ITIH5: variants seen among roughly 807,000 people sequenced by gnomAD.
ITIH5 encodes the protein inter-alpha-trypsin inhibitor heavy chain 5, also known as inter-alpha-trypsin inhibitor heavy chain H5.
A neutral mutation model predicts 77.5 loss-of-function variants in ITIH5; 65 were observed. That is an observed-to-expected ratio of 0.84 (90% CI 0.69 to 1.03). ITIH5 has a LOEUF of 1.03. ITIH5 is among the 50% of genes least tolerant of loss of function. The pLI, the probability that ITIH5 is intolerant of heterozygous loss-of-function variation, is 0.00. For synonymous variants in ITIH5, 525 were observed against 494.3 expected (o/e 1.06, Z -0.82); for missense variants, 1,208 against 1,213.1 (o/e 1.00, Z 0.06).
chr10:7,564,915 G>GTATATA (rs57027352), intron 13 of ITIH5, among the ~76,000 whole-genome samples: 5 of 144,676 alleles, frequency 3.5e-5, no homozygotes, highest in African/African-American at 1.3e-4. Flanking sequence ...GACTGTGTGT[G>GTATATA]TATATATATA....
intron 5 of ITIH5, among the ~76,000 whole-genome samples, chr10:7,627,268 C>T (rs1026859858): frequency 2.0e-4 from 30 of 147,032 alleles, no homozygotes; most frequent in Admixed American, 5.5e-4. Flanking sequence ...CAAACCTGCA[C>T]GTTCTGCACA....
intron 1 of ITIH5, among the ~76,000 whole-genome samples, chr10:7,656,571 C>T (rs574358467): frequency 2.0e-5 from 3 of 152,068 alleles, no homozygotes; most frequent in Admixed American, 2.0e-4. Context: ...ACACTCTGGA[C>T]TAATTTAAAG....
chr10:7,655,287 T>G (rs939717642), intron 2 of ITIH5, among the ~76,000 whole-genome samples: 4 of 152,218 alleles, frequency 2.6e-5, no homozygotes, highest in African/African-American at 4.8e-5. Context: ...GTCAATTCTT[T>G]GGTTGCTTTA....
chr10:7,605,813 A>C (rs1282092453), intron 7 of ITIH5, among the ~76,000 whole-genome samples: 4 of 152,114 alleles, frequency 2.6e-5, no homozygotes, highest in African/African-American at 9.7e-5. Flanking sequence ...TCTTGCTGTT[A>C]CTTGTAGCAA....
chr10:7,574,709 C>A (rs1284100495), intron 10 of ITIH5, among the ~76,000 whole-genome samples: 1 of 145,864 alleles, frequency 6.9e-6, no homozygotes, highest in African/African-American at 2.6e-5. Flanking sequence ...AGGAGAATAG[C>A]GTGAACCTGG....
chr10:7,565,373 T>C (rs1832128318), intron 13 of ITIH5, among the ~76,000 whole-genome samples: 1 of 148,850 alleles, frequency 6.7e-6, no homozygotes, highest in African/African-American at 2.5e-5. Flanking sequence ...ACACAGACTA[T>C]GTATGTATAT....
chr10:7,628,589 TATCTGTGTTATCACATGC>T (rs1273161400), intron 5 of ITIH5, among the ~76,000 whole-genome samples: 23 of 152,256 alleles, frequency 1.5e-4, no homozygotes, highest in South Asian at 4.1e-4. Flanking sequence ...CTGTAGCATG[TATCTGTGTTATCACATGC>T]ATCCATGTTA....
chr10:7,562,910 C>CCCCCCCAAA lies in ITIH5; in HGVS notation c.*172_*173insTTTGGGGGG. ...TTTGCACTCAGGCTTCCCGCCCCTA[C>CCCCCCCAAA]CCACCCCTACCCTTCGCCCAGACAG... On this transcript the variant is annotated 3_prime_UTR_variant, in exon 14 of 14. Coordinates refer to ENST00000397146, the MANE Select transcript of ITIH5 (RefSeq NM_030569.7). 2.3e-6 allele frequency: 1 copy of CCCCCCCAAA among 434,146 alleles called. No individual in the cohort carries two copies. Among genetic ancestry groups the CCCCCCCAAA allele is most frequent in the Non-Finnish European group, 4.5e-6 (1 of 221,344 alleles). The allele number at this position is 434,146 out of a possible 1,614,324, so 26.9% of individuals were successfully genotyped here.
chr10:7,641,586 T>C (rs1345163849), intron 3 of ITIH5, among the ~76,000 whole-genome samples: 1 of 131,914 alleles, frequency 7.6e-6, no homozygotes, highest in Non-Finnish European at 1.7e-5. Context: ...AAAAATTGAA[T>C]AAAAAAGAGA....
At chr10:7,644,299 A>G (rs1833935458) in intron 2 of ITIH5, among the ~76,000 whole-genome samples, 1 of 149,030 alleles carries the variant, frequency 6.7e-6, no homozygotes. Flanking sequence ...CATATATATC[A>G]TACATATCAC....
rs1833346275 is a variant in ITIH5 at position 7,615,506 on chromosome 10, A to G, written c.939+476T>C. ...TCAGGAATCTAATTTTTCGACATAA[A>G]CTACGTGACCCCTGAATGTCTCCCC... On this transcript the variant is annotated intron_variant, in intron 7 of 13. Coordinates refer to ENST00000397146, the MANE Select transcript of ITIH5 (RefSeq NM_030569.7). Among the ~76,000 whole-genome samples, 2 of 152,224 alleles carry G rather than the reference A, an allele frequency of 1.3e-5. 1 individual carries two copies. The highest frequency in any genetic ancestry group is 2.9e-5 in the Non-Finnish European group (2 of 68,046).
intron 1 of ITIH5, among the ~76,000 whole-genome samples, chr10:7,658,119 T>C (rs1834217466): frequency 6.6e-6 from 1 of 152,176 alleles, no homozygotes; most frequent in Admixed American, 6.5e-5. Context: ...TTTTTGTAAG[T>C]GTAAGTGTTT....
rs78650401 is a variant in ITIH5 at position 7,640,934 on chromosome 10, C to A, written c.300-79G>T. The A allele has an allele frequency of 5.4e-6, 5 of 921,830 alleles. No homozygotes were observed. The South Asian group carries it at 5.4e-5, about 10-fold the overall frequency. 57.1% of individuals were successfully genotyped at this position (921,830 alleles called of 1,614,324 possible). ...GACATGGATCTTATAACCATGACAA[C>A]CCCAGGAAATATTTTTATTTGCCTT... On this transcript the variant is annotated intron_variant, in intron 3 of 13. Transcript: ENST00000397146.
chr10:7,566,415 G>T lies in ITIH5; in HGVS notation c.2150-8C>A, dbSNP rs372404444. 13 of 1,584,830 alleles carry T rather than the reference G, an allele frequency of 8.2e-6. No individual in the cohort carries two copies. The highest frequency in any genetic ancestry group is 2.3e-5 in the East Asian group (1 of 44,296). ...CTCCGTTCACTGTGACACCTCAAAGGCCAAGGGGAAAAGAAGAAGGTTAGA... is the reference window on the plus strand; with the variant it reads ...CTCCGTTCACTGTGACACCTCAAAGTCCAAGGGGAAAAGAAGAAGGTTAGA... On this transcript the variant is annotated splice_polypyrimidine_tract_variant and splice_region_variant and intron_variant, in intron 12 of 13. Transcript: ENST00000397146.
chr10:7,574,985 A>G (rs1390852942), intron 10 of ITIH5, among the ~76,000 whole-genome samples: 1 of 151,992 alleles, frequency 6.6e-6, no homozygotes, highest in East Asian at 1.9e-4. Context: ...TGTGGCATGG[A>G]TCTCATAGGT....
chr10:7,661,266 A>G (rs901734836), intron 1 of ITIH5, among the ~76,000 whole-genome samples: 6 of 152,134 alleles, frequency 3.9e-5, no homozygotes, highest in African/African-American at 1.2e-4. Flanking sequence ...GAGCCATTAC[A>G]CCAAGGCCAG....
chr10:7,613,344 A>G (rs1833293221), intron 7 of ITIH5, among the ~76,000 whole-genome samples: 1 of 152,194 alleles, frequency 6.6e-6, no homozygotes, highest in Admixed American at 6.5e-5. Flanking sequence ...GGCCTCTAAA[A>G]CATCAATAAA....
rs1282053635 is a variant in ITIH5, at chr10:7,591,252, CCTGT to C, written c.940-5187_940-5184del. Among the ~76,000 whole-genome samples, 15 of 152,224 alleles carry C rather than the reference CCTGT, an allele frequency of 9.9e-5. No individual in the cohort carries two copies. The East Asian group carries it at 2.7e-3, about 27-fold the overall frequency. ...AAAATAAATGGTCCTGGTTCAAATCCCTGTCTTTTATTTCCTGCTAGTCTACCCC... is the reference window on the plus strand; with the variant it reads ...AAAATAAATGGTCCTGGTTCAAATCCCTTTTATTTCCTGCTAGTCTACCCC... On this transcript the variant is annotated intron_variant, in intron 7 of 13. Transcript: ENST00000397146.
At chr10:7,610,895 C>T (rs1537630) in intron 7 of ITIH5, among the ~76,000 whole-genome samples, 36,884 of 151,886 alleles carry the variant, frequency 0.24, 4,585 homozygotes, top group African/African-American at 0.29. Context: ...CAGTGGCTAG[C>T]AAGGAATGGA....
Sources: allele counts gnomAD v4.1 joint callset (sites outside exome capture counted in the v4.1 genomes callset), GRCh38; gene constraint gnomAD v4.1.1; transcripts MANE v1.5; gene names NCBI Gene and HGNC (gene_info 2026-07-23, HGNC 2026-07-21).